Variants in PAMR1 observed in about 807,000 individuals in gnomAD.
PAMR1 encodes the protein inactive serine protease PAMR1.
PAMR1 carries 88 observed loss-of-function variants against 81.8 expected under a neutral mutation model. That is an observed-to-expected ratio of 1.08 (90% CI 0.91 to 1.28). The LOEUF (loss-of-function observed/expected upper bound fraction) is 1.28, where lower values mean the gene tolerates loss of function less well. Among genes scored for constraint, PAMR1 ranks in the 50% most tolerant of loss-of-function variants. The pLI is 0.00. For synonymous variants in PAMR1, 336 were observed against 345.3 expected (o/e 0.97, Z 0.30); for missense variants, 935 against 919.7 (o/e 1.02, Z -0.21).
chr11:35,441,315 A>C (rs570854035), intron 7 of PAMR1, among the ~76,000 whole-genome samples, 166 bp downstream of exon 7: 11 of 151,978 alleles, frequency 7.2e-5, no homozygotes, highest in South Asian at 4.1e-4. Context: ...AAAAAAAAAG[A>C]AGCAAATATT....
At chr11:35,489,269 C>A (rs756891552) in intron 3 of PAMR1, among the ~76,000 whole-genome samples, 2 of 152,194 alleles carry the variant, frequency 1.3e-5, no homozygotes, top group Non-Finnish European at 1.5e-5. Flanking sequence ...CTTTCCCCCA[C>A]CAAACCTCTT....
chr11:35,439,302 C>T (rs1303906365), intron 8 of PAMR1, among the ~76,000 whole-genome samples: 1 of 152,194 alleles, frequency 6.6e-6, no homozygotes, highest in Non-Finnish European at 1.5e-5. Context: ...GCTACCATAA[C>T]AAGTACATAG....
intron 4 of PAMR1, among the ~76,000 whole-genome samples, chr11:35,472,579 A>G (rs1052077209): frequency 2.6e-5 from 4 of 152,210 alleles, no homozygotes; most frequent in Admixed American, 2.0e-4. Flanking sequence ...AAAAGTGACT[A>G]AGGTGTTAAG....
chr11:35,452,535 C>A (rs1201989066), intron 6 of PAMR1, among the ~76,000 whole-genome samples: 1 of 152,134 alleles, frequency 6.6e-6, no homozygotes, highest in Non-Finnish European at 1.5e-5. Context: ...AAATATGAAG[C>A]AGCCAAGGGT....
chr11:35,496,661 A>T (rs186133244), intron 1 of PAMR1, among the ~76,000 whole-genome samples: 21 of 152,364 alleles, frequency 1.4e-4, no homozygotes, highest in African/African-American at 4.8e-4. Flanking sequence ...TATATTGCTG[A>T]TAGAAATGTG....
intron 1 of PAMR1, among the ~76,000 whole-genome samples, chr11:35,503,122 C>A (rs1020980505): frequency 3.9e-5 from 6 of 151,994 alleles, no homozygotes; most frequent in Admixed American, 1.3e-4. Context: ...GTTCTTGGTA[C>A]CTTTGTCAAA....
At chr11:35,511,043 A>G (rs1851063341) in intron 1 of PAMR1, among the ~76,000 whole-genome samples, 1 of 152,232 alleles carries the variant, frequency 6.6e-6, no homozygotes, top group Non-Finnish European at 1.5e-5. Context: ...TTCATCAATG[A>G]GAATAGCAAG....
chr11:35,500,795 C>A (rs548861615), intron 1 of PAMR1, among the ~76,000 whole-genome samples: 2 of 152,262 alleles, frequency 1.3e-5, no homozygotes, highest in African/African-American at 4.8e-5. Context: ...ACCTGTACAG[C>A]ATGTTACTGT....
At chr11:35,508,092 T>C (rs1851004350) in intron 1 of PAMR1, among the ~76,000 whole-genome samples, 1 of 152,214 alleles carries the variant, frequency 6.6e-6, no homozygotes, top group Non-Finnish European at 1.5e-5. Flanking sequence ...GTCCTTTCTT[T>C]CTCTGGCTTG....
chr11:35,468,324 C>T (rs1036855022), intron 5 of PAMR1, among the ~76,000 whole-genome samples: 2 of 152,100 alleles, frequency 1.3e-5, no homozygotes, highest in Non-Finnish European at 2.9e-5. Flanking sequence ...TTTTTGAGGG[C>T]CCCAGAAGTA....
chr11:35,483,598 C>G (rs1182482675), intron 3 of PAMR1, among the ~76,000 whole-genome samples: 1 of 152,154 alleles, frequency 6.6e-6, no homozygotes, highest in Non-Finnish European at 1.5e-5. Context: ...CAGCAGCTGC[C>G]TTCAAGTATG....
chr11:35,479,433 T>C (rs1850342239), intron 3 of PAMR1, among the ~76,000 whole-genome samples: 1 of 152,236 alleles, frequency 6.6e-6, no homozygotes, highest in Non-Finnish European at 1.5e-5. Context: ...TGAGATATTG[T>C]ATGTAAAGCA....
upstream of PAMR1, among the ~76,000 whole-genome samples, chr11:35,526,696 G>C (rs1482003536): frequency 6.6e-6 from 1 of 152,190 alleles, no homozygotes; most frequent in African/African-American, 2.4e-5. Flanking sequence ...TATAGTCTTA[G>C]CCACTAGGCT....
At chr11:35,445,645 C>A (rs1035660144) in intron 6 of PAMR1, among the ~76,000 whole-genome samples, 1 of 152,096 alleles carries the variant, frequency 6.6e-6, no homozygotes. Context: ...TATTGATTTG[C>A]AGATGTTGAA....
chr11:35,491,505 G>A (rs590102), intron 3 of PAMR1, among the ~76,000 whole-genome samples: 31,590 of 152,044 alleles, frequency 0.21, 4,937 homozygotes, highest in African/African-American at 0.43. Flanking sequence ...CTGAACGAGA[G>A]ATTAGATTTC....
chr11:35,449,786 T>C (rs568729473), intron 6 of PAMR1, among the ~76,000 whole-genome samples: 1 of 152,232 alleles, frequency 6.6e-6, no homozygotes, highest in Non-Finnish European at 1.5e-5. Flanking sequence ...CATGGCAAAA[T>C]TGTGGTTTCC....
intron 6 of PAMR1, among the ~76,000 whole-genome samples, chr11:35,445,317 C>A (rs1281081994): frequency 6.6e-6 from 1 of 152,166 alleles, no homozygotes; most frequent in Non-Finnish European, 1.5e-5. Context: ...CTCTTCCTGT[C>A]TGAATACACT....
Position 35,439,721 on chromosome 11 carries a change from G to T in PAMR1, c.1034-28C>A, listed in dbSNP as rs1027123258. On this transcript the variant is annotated intron_variant, in intron 7 of 10. Coordinates refer to ENST00000619888, the MANE Select transcript of PAMR1 (RefSeq NM_001001991.3). ...AGAAATAAAAAAGACAATGCTGCATGATCCTTTTCCATATTCACTGTTCAT... is the reference window on the plus strand; with the variant it reads ...AGAAATAAAAAAGACAATGCTGCATTATCCTTTTCCATATTCACTGTTCAT... 16 of 1,581,204 alleles carry T rather than the reference G, an allele frequency of 1.0e-5. No homozygotes were observed. In the African/African-American group the frequency reaches 1.8e-4, roughly 17 times the overall value.
At chr11:35,520,374 T>C (rs1432413236) in intron 1 of PAMR1, among the ~76,000 whole-genome samples, 2 of 152,240 alleles carry the variant, frequency 1.3e-5, no homozygotes, top group East Asian at 1.9e-4. Flanking sequence ...TGAGCAGTTC[T>C]GTTTACAGGT....
Sources: gnomAD v4.1 joint callset for allele counts (sites outside exome capture counted in the v4.1 genomes callset) on GRCh38, gnomAD v4.1.1 for gene constraint, MANE v1.5 for transcripts, NCBI Gene and HGNC (gene_info 2026-07-23, HGNC 2026-07-21) for gene names.